EPB41L1: variants seen among roughly 807,000 people sequenced by gnomAD.
The protein encoded by EPB41L1 is erythrocyte membrane protein band 4.1 like 1.
EPB41L1 carries 29 observed loss-of-function variants against 97.8 expected under a neutral mutation model. The ratio of observed to expected loss-of-function variants is 0.30; its 90% CI spans 0.22 to 0.40. EPB41L1 has a LOEUF of 0.40. EPB41L1 is among the 10% of genes least tolerant of loss of function. The probability of loss-of-function intolerance (pLI) is 1.00; values close to 1 mark genes in which losing one functional copy is unlikely to be tolerated. For synonymous variants in EPB41L1, 383 were observed against 459.2 expected (o/e 0.83, Z 2.12); for missense variants, 812 against 1,162.3 (o/e 0.70, Z 4.38).
chr20:36,187,543 G>A, intron 7 of EPB41L1, 133 bp from the exon 8 acceptor site: 1 of 764,400 alleles, frequency 1.3e-6, no homozygotes, highest in Non-Finnish European at 2.3e-6. Flanking sequence ...TGAGGGCAGA[G>A]GGAAAAGATT....
rs116860616 is a variant in EPB41L1 at position 36,162,142 on chromosome 20, G to A, written c.-15+7246G>A. On this transcript the variant is annotated intron_variant, in intron 1 of 21. Coordinates refer to ENST00000338074, the MANE Select transcript of EPB41L1 (RefSeq NM_012156.2). The stretch of plus-strand genomic sequence containing the variant: ...AATAGAGGTTAAGTAACCTGCCCAA[G>A]GTCACCAAGCCTGTGGCATCAGGAT... Among the ~76,000 whole-genome samples the A allele has an allele frequency of 2.3e-4, 35 of 152,324 alleles. No individual in the cohort carries two copies. In the East Asian group the frequency reaches 6.6e-3, roughly 29 times the overall value.
chr20:36,213,410 G>A (rs1051260926), intron 16 of EPB41L1, among the ~76,000 whole-genome samples: 2 of 152,062 alleles, frequency 1.3e-5, no homozygotes, highest in African/African-American at 4.8e-5. Context: ...GAGAGAAAGA[G>A]AAAACTGAAA....
upstream of EPB41L1, chr20:36,152,707 A>G (rs1490015191): frequency 6.7e-6 from 2 of 298,330 alleles, no homozygotes; most frequent in East Asian, 1.7e-4. Flanking sequence ...CCTTTCACTC[A>G]TTCATTTAAA....
At position 36,188,362 on chromosome 20, in the gene EPB41L1, G is replaced by A. The variant is rs754126216; in HGVS notation, c.889G>A (p.Asp297Asn). ...LHHAKDSEGI[D>N]IMLGVCANGL... ...TCTCATGCAGGACTCTGAGGGCATC[G>A]ACATCATGTTAGGCGTTTGTGCCAA... Residue 297 changes from aspartate (D) to asparagine (N), a missense_variant, in exon 9 of 22, where the codon GAC becomes AAC. Coordinates refer to ENST00000338074, the MANE Select transcript of EPB41L1 (RefSeq NM_012156.2). 10 of 1,613,460 alleles carry A rather than the reference G, an allele frequency of 6.2e-6. No homozygotes were observed. Among genetic ancestry groups the A allele is most frequent in the East Asian group, 2.2e-5 (1 of 44,888 alleles).
upstream of EPB41L1, chr20:36,091,477 C>T (rs1229022658): frequency 1.3e-5 from 2 of 152,188 alleles, no homozygotes; most frequent in African/African-American, 2.4e-5. Context: ...GTATCCTATA[C>T]CTGAGGCATG....
chr20:36,168,490 C>T (rs1171893985), intron 1 of EPB41L1, among the ~76,000 whole-genome samples: 1 of 151,994 alleles, frequency 6.6e-6, no homozygotes, highest in Non-Finnish European at 1.5e-5. Context: ...TAATTATAGA[C>T]CCTACGTCTC....
chr20:36,106,549 T>C (rs1352589471), intron 1 of EPB41L1, among the ~76,000 whole-genome samples: 1 of 152,260 alleles, frequency 6.6e-6, no homozygotes, highest in Non-Finnish European at 1.5e-5. Flanking sequence ...CACTGGGTAC[T>C]CAGATCCCAT....
chr20:36,194,210 A>G lies in EPB41L1; in HGVS notation c.1301-2A>G. 6.2e-7 allele frequency: 1 copy of G among 1,613,442 alleles called. No individual in the cohort carries two copies. The highest frequency in any genetic ancestry group is 8.5e-7 in the Non-Finnish European group (1 of 1,180,022). Reference sequence around the variant, plus strand: ...TTGCCTGGCTATCTCCACCCACTTCAGCAGAGTTCTCCCGCCCAGCCTCGG... The same window carrying G: ...TTGCCTGGCTATCTCCACCCACTTCGGCAGAGTTCTCCCGCCCAGCCTCGG... On this transcript the variant is annotated splice_acceptor_variant, in intron 11 of 21. Coordinates refer to ENST00000338074, the MANE Select transcript of EPB41L1 (RefSeq NM_012156.2). LOFTEE classifies it high-confidence loss of function.
At position 36,207,250 on chromosome 20, in the gene EPB41L1, G is replaced by A. The variant is rs1268804686; in HGVS notation, c.1669-2238G>A. On this transcript the variant is annotated intron_variant, in intron 14 of 21. Coordinates refer to ENST00000338074, the MANE Select transcript of EPB41L1 (RefSeq NM_012156.2). This position sits in a 1 kb window ranked among gnomAD's most constrained non-coding sequence, Gnocchi z 4.9. ...AGAGCCCAAGGACCAAGTAGGGTTT[G>A]TGGTGTCCCCTGCCACAGGAGGTGA... 7.8e-7 allele frequency: 1 copy of A among 1,278,086 alleles called. No homozygotes were observed. Among genetic ancestry groups the A allele is most frequent in the African/African-American group, 1.5e-5 (1 of 65,472 alleles). The allele number at this position is 1,278,086 out of a possible 1,614,324, so 79.2% of individuals were successfully genotyped here.
At chr20:36,166,976 C>T (rs1257292558) in intron 1 of EPB41L1, among the ~76,000 whole-genome samples, 1 of 152,110 alleles carries the variant, frequency 6.6e-6, no homozygotes, top group Admixed American at 6.5e-5. Context: ...GTGATTTTTG[C>T]ACAACATTGT....
At chr20:36,227,662 G>A (rs547262672) in intron 21 of EPB41L1, among the ~76,000 whole-genome samples, 1 of 152,240 alleles carries the variant, frequency 6.6e-6, no homozygotes, top group South Asian at 2.1e-4. Flanking sequence ...TCTCCATGAG[G>A]GTGTTTGTCT....
chr20:36,106,497 A>T (rs2058196307), intron 1 of EPB41L1, among the ~76,000 whole-genome samples: 1 of 152,212 alleles, frequency 6.6e-6, no homozygotes, highest in Non-Finnish European at 1.5e-5. Flanking sequence ...TGAACACTAC[A>T]GGAGTTCCTA....
Position 36,207,808 on chromosome 20 carries a change from C to T in EPB41L1, c.1669-1680C>T. ...AACTGGCCGCGTGAGCCCCCGCCCC[C>T]ACCGCTGCTCCCCGCCCATGGGGGC... On this transcript the variant is annotated intron_variant, in intron 14 of 21. Coordinates refer to ENST00000338074, the MANE Select transcript of EPB41L1 (RefSeq NM_012156.2). This position sits in a 1 kb window ranked among gnomAD's most constrained non-coding sequence, Gnocchi z 4.9. 2 of 1,274,750 alleles carry T rather than the reference C, an allele frequency of 1.6e-6. No homozygotes were observed. The highest frequency in any genetic ancestry group is 2.0e-6 in the Non-Finnish European group (2 of 979,822). The allele number at this position is 1,274,750 out of a possible 1,614,324, so 79.0% of individuals were successfully genotyped here.
Position 36,195,443 on chromosome 20 carries a change from A to G in EPB41L1, c.1485+79A>G. The G allele has an allele frequency of 6.5e-7, 1 of 1,527,774 alleles. No homozygotes were observed. Among genetic ancestry groups the G allele is most frequent in the Non-Finnish European group, 9.1e-7 (1 of 1,103,048 alleles). 94.6% of individuals were successfully genotyped at this position (1,527,774 alleles called of 1,614,324 possible). ...TTGTCACCATCCCACAGTCCATCCC[A>G]GGCTCACTTCCCTGGCACCATCTCA... On this transcript the variant is annotated intron_variant, in intron 13 of 21. Coordinates refer to ENST00000338074, the MANE Select transcript of EPB41L1 (RefSeq NM_012156.2). This position sits in a 1 kb window ranked among gnomAD's most constrained non-coding sequence, Gnocchi z 4.6.
intron 14 of EPB41L1, chr20:36,205,893 A>G (rs1294363730): frequency 7.8e-7 from 1 of 1,289,756 alleles, no homozygotes; most frequent in Non-Finnish European, 1.0e-6. Flanking sequence ...ACACTAGGCC[A>G]GAAGAGCTCG....
intron 17 of EPB41L1, among the ~76,000 whole-genome samples, chr20:36,217,137 C>T (rs1266978570): frequency 2.0e-5 from 3 of 152,048 alleles, no homozygotes; most frequent in Admixed American, 6.6e-5. Flanking sequence ...TAGTGACAAG[C>T]GTGTGTTGGA....
intron 1 of EPB41L1, among the ~76,000 whole-genome samples, chr20:36,110,192 C>T (rs575355521): frequency 2.6e-5 from 4 of 152,268 alleles, no homozygotes; most frequent in East Asian, 3.9e-4. Flanking sequence ...CCGCCCGCCT[C>T]GGCCTCCCAA....
rs181519675 is a variant in EPB41L1 at position 36,179,886 on chromosome 20, C to T, written c.490+1214C>T. Among the ~76,000 whole-genome samples the T allele has an allele frequency of 2.8e-4, 42 of 152,316 alleles. 1 individual carries two copies. The highest frequency in any genetic ancestry group is 3.4e-3 in the Middle Eastern group (1 of 294). On this transcript the variant is annotated intron_variant, in intron 5 of 21. Coordinates refer to ENST00000338074, the MANE Select transcript of EPB41L1 (RefSeq NM_012156.2). ...CTCCTCGGGGGGCTGACAGATCCTC[C>T]GCCTGGGCTTCAGGCTGTCCCCCAG...
chr20:36,178,701 G>C, intron 5 of EPB41L1, 29 bp downstream of exon 5: 3 of 1,612,696 alleles, frequency 1.9e-6, no homozygotes, highest in Non-Finnish European at 2.5e-6. Flanking sequence ...TTGGGGAGGT[G>C]GGTGGGTGAG....
Sources: allele counts gnomAD v4.1 joint callset (sites outside exome capture counted in the v4.1 genomes callset), GRCh38; gene constraint gnomAD v4.1.1; non-coding constraint Gnocchi (gnomAD v3.1); transcripts MANE v1.5; gene names NCBI Gene and HGNC (gene_info 2026-07-23, HGNC 2026-07-21).